Variants in PRKCB observed in about 807,000 individuals in gnomAD.
PRKCB encodes protein kinase C beta.
Under a neutral mutation model 81.5 loss-of-function variants are expected in PRKCB, and 13 were observed. The ratio of observed to expected loss-of-function variants is 0.16; its 90% CI spans 0.10 to 0.25. PRKCB has a LOEUF of 0.25. PRKCB is among the 10% of genes least tolerant of loss of function. The pLI is 1.00. For missense variants in PRKCB, 509 were observed against 875.7 expected (o/e 0.58, Z 5.29); for synonymous variants, 335 against 321.4 (o/e 1.04, Z -0.45).
chr16:24,073,500 C>T (rs752867019), intron 5 of PRKCB, among the ~76,000 whole-genome samples: 2 of 151,966 alleles, frequency 1.3e-5, no homozygotes, highest in South Asian at 2.1e-4. Flanking sequence ...TCTGGCTAAT[C>T]GTGAAAATTG....
chr16:23,910,309 C>T (rs190871864), intron 2 of PRKCB, among the ~76,000 whole-genome samples: 103 of 152,274 alleles, frequency 6.8e-4, no homozygotes, highest in African/African-American at 2.3e-3. Context: ...TTTCCCCAAG[C>T]GCCTGGTGTG....
In PRKCB at chr16:23,988,607, G is replaced by T. The variant is rs3729888; in HGVS notation, c.288+17G>T. The T allele has an allele frequency of 5.7e-3, 9,231 of 1,609,256 alleles. 367 individuals carry two copies. In the African/African-American group the frequency reaches 0.099, roughly 17 times the overall value. On this transcript the variant is annotated intron_variant, in intron 3 of 16. Coordinates refer to ENST00000643927, the MANE Select transcript of PRKCB (RefSeq NM_002738.7). The stretch of plus-strand genomic sequence containing the variant: ...GCCTCCGATGTAAGTAATGGGCATC[G>T]ATTGCTTTTCTCTGTCCACAGTCAA...
chr16:24,211,454 C>T (rs1968136698), intron 16 of PRKCB, among the ~76,000 whole-genome samples: 1 of 152,070 alleles, frequency 6.6e-6, no homozygotes. Flanking sequence ...TAAAATTGCT[C>T]CCATTTTACA....
chr16:23,966,562 G>A (rs906860354), intron 2 of PRKCB, among the ~76,000 whole-genome samples: 5 of 152,058 alleles, frequency 3.3e-5, no homozygotes, highest in Non-Finnish European at 7.4e-5. Flanking sequence ...TTATCCCTTC[G>A]AATCTAAAAT....
At position 24,122,566 on chromosome 16, in the gene PRKCB, C is replaced by T. The variant is rs1243516550; in HGVS notation, c.919-1269C>T. Among the ~76,000 whole-genome samples the T allele has an allele frequency of 3.3e-5, 5 of 150,756 alleles. No homozygotes were observed. The East Asian group carries it at 9.8e-4, about 30-fold the overall frequency. The stretch of plus-strand genomic sequence containing the variant: ...CCTCTAACTCCTGGGCTAAAGCAGT[C>T]CTCCCACCTTGGCCTCCCAGGTAGC... On this transcript the variant is annotated intron_variant, in intron 8 of 16. Transcript: ENST00000643927.
intron 7 of PRKCB, among the ~76,000 whole-genome samples, chr16:24,109,018 GCCGGGCGGGGGGCTGA>G (rs1966626224): frequency 6.7e-6 from 1 of 148,612 alleles, no homozygotes; most frequent in African/African-American, 2.5e-5. Context: ...GGGGCGGCTG[GCCGGGCGGGGGGCTGA>G]CCCCCCCACC....
intron 16 of PRKCB, among the ~76,000 whole-genome samples, chr16:24,206,528 T>TA: frequency 6.6e-6 from 1 of 152,306 alleles, no homozygotes; most frequent in Non-Finnish European, 1.5e-5. Context: ...GGAGGAGCCT[T>TA]ATCCTCTCCT....
At position 24,200,872 on chromosome 16, in the gene PRKCB, G is replaced by A. The variant is rs187459072; in HGVS notation, c.1863+9642G>A. Among the ~76,000 whole-genome samples the A allele has an allele frequency of 1.6e-3, 240 of 152,188 alleles. 1 individual carries two copies. Among genetic ancestry groups the A allele is most frequent in the African/African-American group, 5.6e-3 (232 of 41,512 alleles). On this transcript the variant is annotated intron_variant, in intron 16 of 16. Coordinates refer to ENST00000643927, the MANE Select transcript of PRKCB (RefSeq NM_002738.7). ...ACTTTGGCGGGGCAAGTCAACCATA[G>A]AACCTACCAGATACATGACTTTGAG... is the stretch of plus-strand genomic sequence containing the variant.
intron 2 of PRKCB, among the ~76,000 whole-genome samples, chr16:23,932,227 A>G (rs1205969407): frequency 6.6e-6 from 1 of 152,232 alleles, no homozygotes; most frequent in Non-Finnish European, 1.5e-5. Context: ...CCATAAAGAA[A>G]ACATTGTGAG....
chr16:23,883,923 G>T (rs1963161349), intron 2 of PRKCB, among the ~76,000 whole-genome samples: 1 of 152,180 alleles, frequency 6.6e-6, no homozygotes, highest in Admixed American at 6.5e-5. Flanking sequence ...AAAGGAAACA[G>T]GTGAAATGAA....
intron 2 of PRKCB, among the ~76,000 whole-genome samples, chr16:23,981,513 G>T (rs1287034951): frequency 6.6e-6 from 1 of 151,950 alleles, no homozygotes; most frequent in East Asian, 1.9e-4. Flanking sequence ...GGGGTCGGGG[G>T]TAGGGGATGG....
intron 5 of PRKCB, among the ~76,000 whole-genome samples, chr16:24,067,913 G>A (rs1966056796): frequency 6.7e-6 from 1 of 149,968 alleles, no homozygotes; most frequent in Non-Finnish European, 1.5e-5. Flanking sequence ...GTTACAGTGA[G>A]CCTGGGTGAC....
intron 3 of PRKCB, among the ~76,000 whole-genome samples, chr16:24,019,486 G>A (rs562729148): frequency 4.6e-5 from 7 of 152,202 alleles, no homozygotes; most frequent in East Asian, 1.9e-4. Context: ...AACCTTGGTC[G>A]GGTGCAGTGG....
intron 16 of PRKCB, among the ~76,000 whole-genome samples, chr16:24,207,673 A>G (rs188372865): frequency 2.6e-5 from 4 of 152,312 alleles, no homozygotes; most frequent in African/African-American, 9.6e-5. Flanking sequence ...GTAGATTCCC[A>G]ATTTTTCTTT....
chr16:23,838,172 CTG>C (rs1324534533), intron 2 of PRKCB, among the ~76,000 whole-genome samples: 1 of 152,206 alleles, frequency 6.6e-6, no homozygotes, highest in African/African-American at 2.4e-5. Context: ...ACCCGCAGCT[CTG>C]TGTAGCCCTT....
intron 2 of PRKCB, among the ~76,000 whole-genome samples, chr16:23,855,396 G>A (rs1962547985): frequency 6.6e-6 from 1 of 152,124 alleles, no homozygotes; most frequent in Admixed American, 6.5e-5. Flanking sequence ...CTACCTCCCA[G>A]AGTTCTATGT....
intron 13 of PRKCB, among the ~76,000 whole-genome samples, chr16:24,182,951 G>C (rs1967650486): frequency 6.9e-6 from 1 of 145,598 alleles, no homozygotes; most frequent in Non-Finnish European, 1.5e-5. Flanking sequence ...CTGCCTCCTG[G>C]ATTCATGCCA....
intron 2 of PRKCB, among the ~76,000 whole-genome samples, chr16:23,946,071 G>A (rs1437665845): frequency 6.6e-6 from 1 of 152,196 alleles, no homozygotes; most frequent in Non-Finnish European, 1.5e-5. Context: ...TTTCCTCATT[G>A]CAGGTGGGGA....
intron 2 of PRKCB, among the ~76,000 whole-genome samples, chr16:23,956,666 C>A (rs1003739699): frequency 3.9e-5 from 6 of 152,104 alleles, no homozygotes; most frequent in African/African-American, 7.2e-5. Flanking sequence ...CCACCAACAG[C>A]GCACGAAAGT....
Sources: allele counts gnomAD v4.1 joint callset (sites outside exome capture counted in the v4.1 genomes callset), GRCh38; gene constraint gnomAD v4.1.1; transcripts MANE v1.5; gene names NCBI Gene and HGNC (gene_info 2026-07-23, HGNC 2026-07-21).